KCNN1: variants seen among roughly 807,000 people sequenced by gnomAD.
KCNN1 encodes potassium calcium-activated channel subfamily N member 1.
Under a neutral mutation model 44.7 loss-of-function variants are expected in KCNN1, and 20 were observed. The observed-to-expected ratio is 0.45, with a 90% confidence interval of 0.32 to 0.65. The LOEUF (loss-of-function observed/expected upper bound fraction) is 0.65. KCNN1 is among the 30% of genes least tolerant of loss of function. The pLI, the probability that KCNN1 is intolerant of heterozygous loss-of-function variation, is 0.05. For synonymous variants in KCNN1, 324 were observed against 341.7 expected (o/e 0.95, Z 0.57); for missense variants, 632 against 785.3 (o/e 0.80, Z 2.33).
Position 17,952,680 on chromosome 19 carries a change from C to T in KCNN1, c.-203+1271C>T, listed in dbSNP as rs970677535. Among the ~76,000 whole-genome samples the T allele has an allele frequency of 9.2e-5, 14 of 152,248 alleles. No individual in the cohort carries two copies. In the South Asian group the frequency reaches 1.2e-3, roughly 14 times the overall value. On this transcript the variant is annotated intron_variant, in intron 1 of 10. Transcript: ENST00000222249. ...GAAAGCACCGCTGGTTCCCGTTGCC[C>T]CCTCCTCCCTCTCTGTCCCCTCAGG...
chr19:17,969,727 C>G lies in KCNN1; in HGVS notation c.-82+2410C>G, dbSNP rs537159923. ...CAGAGGCCATCGGAGGCCTACACCCCCTCTGGGTTCTGTCTGCCAGGCCAC... is the reference window on the plus strand; with the variant it reads ...CAGAGGCCATCGGAGGCCTACACCCGCTCTGGGTTCTGTCTGCCAGGCCAC... On this transcript the variant is annotated intron_variant, in intron 1 of 9. Coordinates refer to ENST00000684775, the MANE Select transcript of KCNN1 (RefSeq NM_001386974.1). Among the ~76,000 whole-genome samples, 90 of 152,350 alleles carry G rather than the reference C, an allele frequency of 5.9e-4. 2 individuals carry two copies. Among genetic ancestry groups the G allele is most frequent in the Admixed American group, 4.1e-3 (63 of 15,304 alleles).
intron 3 of KCNN1, among the ~76,000 whole-genome samples, chr19:17,980,643 C>G (rs758993922): frequency 1.2e-4 from 19 of 152,172 alleles, no homozygotes; most frequent in Non-Finnish European, 2.1e-4. Context: ...TTGCTCACAC[C>G]TGTGATTCCA....
chr19:17,965,438 C>T (rs2031778041), upstream of KCNN1, among the ~76,000 whole-genome samples: 2 of 152,032 alleles, frequency 1.3e-5, no homozygotes, highest in South Asian at 4.2e-4. Flanking sequence ...GGGATGTGCC[C>T]AATCCTGAGG....
At chr19:17,963,692 A>G (rs958039188), upstream of KCNN1, among the ~76,000 whole-genome samples, 1 of 147,752 alleles carries the variant, frequency 6.8e-6, no homozygotes, top group Admixed American at 6.7e-5. Context: ...AGTTCTTTCA[A>G]CTTTTTTGGA....
intron 5 of KCNN1, 50 bp from the exon 6 acceptor site, chr19:17,988,365 G>A (rs2032674727): frequency 6.8e-7 from 1 of 1,476,586 alleles, no homozygotes; most frequent in Non-Finnish European, 9.3e-7. Context: ...CTGGAGGAGG[G>A]AGTGACCTCA....
At position 17,983,263 on chromosome 19, in the gene KCNN1, G is replaced by A. The variant is rs1302877865; in HGVS notation, c.917+1136G>A. On this transcript the variant is annotated intron_variant, in intron 4 of 9. Transcript: ENST00000684775. The surrounding 1 kb of genome is among the most constrained non-coding windows in gnomAD (Gnocchi z 4.5). ...TGTGAGGGTGCCTTATCTGGGAGAG[G>A]GTCTCCCTGCCATGCGCCTAGCTGG... 1.3e-5 allele frequency among the ~76,000 whole-genome samples: 2 copies of A among 152,164 alleles called. No individual in the cohort carries two copies. The highest frequency in any genetic ancestry group is 3.9e-4 in the East Asian group (2 of 5,156).
At chr19:17,966,023 G>T (rs12980203), upstream of KCNN1, among the ~76,000 whole-genome samples, 372 of 119,674 alleles carry the variant, frequency 3.1e-3, 4 homozygotes, top group South Asian at 7.5e-3. Context: ...CTGCCTGCCT[G>T]CCTTCCTTCC....
chr19:17,990,117 G>A (rs141495931), intron 7 of KCNN1: 57 of 605,398 alleles, frequency 9.4e-5, no homozygotes, highest in East Asian at 7.2e-4. Context: ...ACTTTGAAGC[G>A]ATTTCCTCTT....
chr19:17,981,949 C>G lies in KCNN1; in HGVS notation c.739C>G (p.Leu247Val). The G allele has an allele frequency of 1.2e-6, 2 of 1,611,898 alleles. No homozygotes were observed. The highest frequency in any genetic ancestry group is 1.7e-6 in the Non-Finnish European group (2 of 1,179,162). ...CTACCTGCTGGGCCGGGTGATGCTA[C>G]TGCACAGCAAAATCTTCACGGACGC... ...RLYLLGRVML[L>V]HSKIFTDASS... The change falls in exon 4 of 10, where the codon CTG becomes GTG. Residue 247 changes from leucine to valine, a missense_variant. This residue lies in a region of KCNN1 where 160 missense variants were observed against 308.3 expected (regional missense o/e 0.52). Transcript: ENST00000684775.
intron 1 of KCNN1, among the ~76,000 whole-genome samples, chr19:17,968,850 A>G (rs971822665): frequency 6.6e-6 from 1 of 151,438 alleles, no homozygotes; most frequent in Non-Finnish European, 1.5e-5. Context: ...ACCCAAATAC[A>G]CCCCGTAGGA....
chr19:17,969,519 C>T (rs1207495086), intron 1 of KCNN1, among the ~76,000 whole-genome samples: 1 of 152,088 alleles, frequency 6.6e-6, no homozygotes, highest in African/African-American at 2.4e-5. Flanking sequence ...CCTCCACCCT[C>T]TTGGAAGCCA....
chr19:17,974,342 T>C lies in KCNN1; in HGVS notation c.402+52T>C. 6.7e-7 allele frequency: 1 copy of C among 1,498,254 alleles called. No homozygotes were observed. The highest frequency in any genetic ancestry group is 2.3e-5 in the Admixed American group (1 of 44,138). The allele number at this position is 1,498,254 out of a possible 1,614,324, so 92.8% of individuals were successfully genotyped here. A position where few individuals can be genotyped will look rare whatever the true frequency, so the allele number is the denominator to read the frequency against. On this transcript the variant is annotated intron_variant, in intron 2 of 9. Coordinates refer to ENST00000684775, the MANE Select transcript of KCNN1 (RefSeq NM_001386974.1). The surrounding 1 kb of genome is among the most constrained non-coding windows in gnomAD (Gnocchi z 7.3). ...CCAGGGAGGTTCCACCAAGCCCGCC[T>C]AGCTTTCTTGACATGGGGTTGGGGG... is the stretch of plus-strand genomic sequence containing the variant.
intron 3 of KCNN1, among the ~76,000 whole-genome samples, chr19:17,979,515 C>T (rs910093063): frequency 5.1e-5 from 6 of 118,012 alleles, no homozygotes; most frequent in Non-Finnish European, 9.8e-5. Flanking sequence ...AGGACCCGGT[C>T]TCAAAAATAG....
upstream of KCNN1, among the ~76,000 whole-genome samples, chr19:17,962,208 A>G (rs1303085146): frequency 6.6e-6 from 1 of 152,138 alleles, no homozygotes; most frequent in African/African-American, 2.4e-5. Context: ...TGGGCATGAC[A>G]GGGGCTCCCT....
At position 17,967,171 on chromosome 19, in the gene KCNN1, C is replaced by G; in HGVS notation, c.-228C>G. 6 of 949,540 alleles carry G rather than the reference C, an allele frequency of 6.3e-6. No homozygotes were observed. Among genetic ancestry groups the G allele is most frequent in the South Asian group, 4.7e-5 (1 of 21,404 alleles). The allele number at this position is 949,540 out of a possible 1,614,324, so 58.8% of individuals were successfully genotyped here. On this transcript the variant is annotated 5_prime_UTR_variant, in exon 1 of 10. Transcript: ENST00000684775. ...GGGGATGCGCCTGCCGCCGCCGCCC[C>G]CGGCCCCGCCGCCCCCGGGCCCCGC...
rs138832156 is a variant in KCNN1 at position 17,987,216 on chromosome 19, T to C, written c.1060-1199T>C. Among the ~76,000 whole-genome samples, 416 of 152,114 alleles carry C rather than the reference T, an allele frequency of 2.7e-3. 1 individual carries two copies. Among genetic ancestry groups the C allele is most frequent in the Admixed American group, 4.5e-3 (69 of 15,248 alleles). On this transcript the variant is annotated intron_variant, in intron 5 of 9. Transcript: ENST00000684775. The stretch of plus-strand genomic sequence containing the variant: ...CCTTCCCCTCCCAGGTTCAAGCGAT[T>C]CTCCTGCTTCAGCCTCCTGAGTAGC...
At chr19:17,975,463 C>T (rs1317768182) in intron 3 of KCNN1, among the ~76,000 whole-genome samples, 2 of 152,162 alleles carry the variant, frequency 1.3e-5, no homozygotes, top group African/African-American at 4.8e-5. Context: ...GGGTTGTTTC[C>T]AGGCTGGAGT....
In KCNN1 at chr19:17,996,606, CAAAAAT is replaced by C. The variant is rs550428211; in HGVS notation, c.1378-1527_1378-1522del. Reference sequence around the variant, plus strand: ...AGACAACAAGAGCGAGACTTCGTCTCAAAAATAAAAATAAAAATAAAAATTTTAAAC... The same window carrying C: ...AGACAACAAGAGCGAGACTTCGTCTCAAAAATAAAAATAAAAATTTTAAAC... On this transcript the variant is annotated intron_variant, in intron 9 of 9. Coordinates refer to ENST00000684775, the MANE Select transcript of KCNN1 (RefSeq NM_001386974.1). 4.5e-3 allele frequency among the ~76,000 whole-genome samples: 681 copies of C among 152,230 alleles called. 6 individuals are homozygous for C. Among genetic ancestry groups the C allele is most frequent in the Middle Eastern group, 0.034 (10 of 292 alleles).
At chr19:17,965,293 A>T (rs541107419), upstream of KCNN1, among the ~76,000 whole-genome samples, 69 of 151,908 alleles carry the variant, frequency 4.5e-4, no homozygotes, top group South Asian at 5.0e-3. Context: ...AAAAGAAAGA[A>T]AAAAGCATCT....
Sources: allele counts gnomAD v4.1 joint callset (sites outside exome capture counted in the v4.1 genomes callset), GRCh38; gene constraint gnomAD v4.1.1; regional missense constraint gnomAD v4.1.1; non-coding constraint Gnocchi (gnomAD v3.1); transcripts MANE v1.5; gene names NCBI Gene and HGNC (gene_info 2026-07-23, HGNC 2026-07-21).